PPM1A: variants seen among roughly 807,000 people sequenced by gnomAD.
PPM1A encodes protein phosphatase 1A.
In PPM1A, 7 loss-of-function variants were observed where a neutral mutation model predicts 35.0. That is an observed-to-expected ratio of 0.20 (90% CI 0.11 to 0.38). The LOEUF is 0.38. PPM1A is among the 10% of genes least tolerant of loss of function. The pLI is 1.00. For synonymous variants in PPM1A, 153 were observed against 167.3 expected (o/e 0.91, Z 0.66); for missense variants, 239 against 467.8 (o/e 0.51, Z 4.51).
chr14:60,294,470 A>C lies in PPM1A; in HGVS notation c.*1988A>C, dbSNP rs1296539939. Reference sequence around the variant, plus strand: ...TAAGTTATGGCTTTGCAAGCATCTAAATGTGCATTTAATGAATACCAGTGC... The same window carrying C: ...TAAGTTATGGCTTTGCAAGCATCTACATGTGCATTTAATGAATACCAGTGC... On this transcript the variant is annotated 3_prime_UTR_variant, in exon 6 of 6. Coordinates refer to ENST00000395076, the MANE Select transcript of PPM1A (RefSeq NM_021003.5). 1 of 151,932 alleles carries C rather than the reference A, an allele frequency of 6.6e-6. No individual in the cohort carries two copies. The highest frequency in any genetic ancestry group is 1.5e-5 in the Non-Finnish European group (1 of 67,864). 9.4% of individuals were successfully genotyped at this position (151,932 alleles called of 1,614,324 possible).
chr14:60,270,936 G>T (rs1234398600), intron 1 of PPM1A, among the ~76,000 whole-genome samples: 1 of 152,166 alleles, frequency 6.6e-6, no homozygotes, highest in African/African-American at 2.4e-5. Context: ...AATTTCCATG[G>T]CTGCTATAAC....
intron 1 of PPM1A, among the ~76,000 whole-genome samples, chr14:60,268,056 C>G (rs1341213225): frequency 6.6e-6 from 1 of 151,952 alleles, no homozygotes; most frequent in Non-Finnish European, 1.5e-5. Flanking sequence ...ATATACAATC[C>G]ATAGTCAGAT....
At chr14:60,263,223 A>G (rs1211545458) in intron 1 of PPM1A, among the ~76,000 whole-genome samples, 1 of 152,184 alleles carries the variant, frequency 6.6e-6, no homozygotes, top group East Asian at 1.9e-4. Context: ...TCTCAAAAAA[A>G]AAAGTTCCTG....
chr14:60,280,211 G>C (rs1228680376), intron 1 of PPM1A, among the ~76,000 whole-genome samples: 1 of 152,036 alleles, frequency 6.6e-6, no homozygotes, highest in Non-Finnish European at 1.5e-5. Context: ...TCACCATATT[G>C]GCCAGGCTGG....
At chr14:60,247,627 C>CAAAAA (rs58749853), upstream of PPM1A, among the ~76,000 whole-genome samples, 50 of 50,168 alleles carry the variant, frequency 1.0e-3, 1 homozygote, top group African/African-American at 3.2e-3. Context: ...GACTCTGTCT[C>CAAAAA]AAAAAAAAAA....
chr14:60,275,116 T>C (rs1454852490), intron 1 of PPM1A, among the ~76,000 whole-genome samples: 1 of 151,386 alleles, frequency 6.6e-6, no homozygotes, highest in Non-Finnish European at 1.5e-5. Flanking sequence ...TTTAGAGATT[T>C]AGAAAAGAAA....
rs2139297478 is a variant in PPM1A, at chr14:60,249,441, C to T, written c.-257C>T. On this transcript the variant is annotated 5_prime_UTR_variant, in exon 1 of 6. Coordinates refer to ENST00000395076, the MANE Select transcript of PPM1A (RefSeq NM_021003.5). The surrounding 1 kb of genome is among the most constrained non-coding windows in gnomAD (Gnocchi z 4.5). Reference sequence around the variant, plus strand: ...TCCTCCTCCTTCTCCGGGACCCGCTCTCTGCCTCCCTCTCCAACGCCCGGA... The same window carrying T: ...TCCTCCTCCTTCTCCGGGACCCGCTTTCTGCCTCCCTCTCCAACGCCCGGA... 1.0e-6 allele frequency: 1 copy of T among 985,058 alleles called. No homozygotes were observed. The highest frequency in any genetic ancestry group is 4.7e-5 in the South Asian group (1 of 21,334). 61.0% of individuals were successfully genotyped at this position (985,058 alleles called of 1,614,324 possible). A position where few individuals can be genotyped will look rare whatever the true frequency, so the allele number is the denominator to read the frequency against.
intron 3 of PPM1A, chr14:60,286,116 A>C: frequency 1.0e-6 from 1 of 988,382 alleles, no homozygotes; most frequent in Non-Finnish European, 1.2e-6. Flanking sequence ...TTTGAATACC[A>C]TCTTTCTATG....
At chr14:60,257,906 G>A (rs940063712) in intron 1 of PPM1A, among the ~76,000 whole-genome samples, 2 of 152,152 alleles carry the variant, frequency 1.3e-5, no homozygotes, top group African/African-American at 4.8e-5. Context: ...ACCTCAGAAT[G>A]TTAAGTAGAT....
chr14:60,266,594 C>T (rs781242845), intron 1 of PPM1A, among the ~76,000 whole-genome samples: 23 of 152,140 alleles, frequency 1.5e-4, no homozygotes, highest in Non-Finnish European at 3.1e-4. Flanking sequence ...TGGAAAAGAT[C>T]AGCTTTCAGG....
Position 60,249,997 on chromosome 14 carries a change from A to T in PPM1A, c.-21+320A>T, listed in dbSNP as rs1177938235. Among the ~76,000 whole-genome samples, 1 of 151,124 alleles carries T rather than the reference A, an allele frequency of 6.6e-6. No homozygotes were observed. Among genetic ancestry groups the T allele is most frequent in the Non-Finnish European group, 1.5e-5 (1 of 67,706 alleles). On this transcript the variant is annotated intron_variant, in intron 1 of 5. Coordinates refer to ENST00000395076, the MANE Select transcript of PPM1A (RefSeq NM_021003.5). This position sits in a 1 kb window ranked among gnomAD's most constrained non-coding sequence, Gnocchi z 4.5. ...TGGCGGCGAAGCAGGCGACGGCCGC[A>T]GGCCGGCCTGGCCGGAGAGCGGCCT...
Position 60,298,543 on chromosome 14 carries a change from C to T in PPM1A, c.*6061C>T, listed in dbSNP as rs1239180710. On this transcript the variant is annotated 3_prime_UTR_variant, in exon 6 of 6. Coordinates refer to ENST00000395076, the MANE Select transcript of PPM1A (RefSeq NM_021003.5). ...GCTTATTTAATTCCCATTTGTGGGA[C>T]TTCTGGAACATAGAAACCATTATCT... is the stretch of plus-strand genomic sequence containing the variant. The T allele has an allele frequency of 6.6e-6, 1 of 151,670 alleles. No individual in the cohort carries two copies. Among genetic ancestry groups the T allele is most frequent in the East Asian group, 1.9e-4 (1 of 5,194 alleles). The allele number at this position is 151,670 out of a possible 1,614,324, so 9.4% of individuals were successfully genotyped here.
intron 1 of PPM1A, chr14:60,250,341 TTAG>T: frequency 2.7e-6 from 2 of 740,510 alleles, no homozygotes; most frequent in Non-Finnish European, 3.3e-6. Context: ...CTTCTTGATG[TTAG>T]AGCTTGGTTG....
rs1015595848 is a variant in PPM1A, at chr14:60,289,733, G to T, written c.953-73G>T. ...GTAAATGCCATCTTTAAAAAGCTAG[G>T]TTATCTTTGTTTCGGTTTTCTTTTC... is the stretch of plus-strand genomic sequence containing the variant. On this transcript the variant is annotated intron_variant, in intron 3 of 5. Transcript: ENST00000395076. The surrounding 1 kb of genome is among the most constrained non-coding windows in gnomAD (Gnocchi z 4.1). The T allele has an allele frequency of 1.0e-6, 1 of 959,188 alleles. No individual in the cohort carries two copies. Among genetic ancestry groups the T allele is most frequent in the South Asian group, 1.4e-5 (1 of 70,320 alleles). 59.4% of individuals were successfully genotyped at this position (959,188 alleles called of 1,614,324 possible). A position where few individuals can be genotyped will look rare whatever the true frequency, so the allele number is the denominator to read the frequency against.
At chr14:60,255,033 T>A (rs1472259458) in intron 1 of PPM1A, among the ~76,000 whole-genome samples, 2 of 152,178 alleles carry the variant, frequency 1.3e-5, no homozygotes, top group Non-Finnish European at 2.9e-5. Flanking sequence ...CCAGCTTTGG[T>A]TTTCTCTTTT....
At chr14:60,287,272 T>G in intron 3 of PPM1A, 1 of 976,580 alleles carries the variant, frequency 1.0e-6, no homozygotes. Flanking sequence ...TATTTCTTAT[T>G]ATCAAGCAAG....
At chr14:60,248,605 G>A (rs1050676958), upstream of PPM1A, 2 of 152,432 alleles carry the variant, frequency 1.3e-5, no homozygotes, top group East Asian at 1.9e-4. Context: ...GTGGGACTCT[G>A]GGGTAGGGGG....
rs143832257 is a variant in PPM1A, at chr14:60,261,241, A to G, written c.-21+11564A>G. On this transcript the variant is annotated intron_variant, in intron 1 of 5. Coordinates refer to ENST00000395076, the MANE Select transcript of PPM1A (RefSeq NM_021003.5). ...GGCAAAGTGATAAGAGCAGGATTAGAAAGAGACATTAAAAATTCAAGGATA... is the reference window on the plus strand; with the variant it reads ...GGCAAAGTGATAAGAGCAGGATTAGGAAGAGACATTAAAAATTCAAGGATA... Among the ~76,000 whole-genome samples the G allele has an allele frequency of 3.2e-3, 482 of 152,310 alleles. 4 individuals are homozygous for G. The highest frequency in any genetic ancestry group is 0.017 in the Middle Eastern group (5 of 294).
Position 60,266,575 on chromosome 14 carries a change from G to A in PPM1A, c.-20-16109G>A, listed in dbSNP as rs543877889. 1.3e-4 allele frequency among the ~76,000 whole-genome samples: 20 copies of A among 152,272 alleles called. No individual in the cohort carries two copies. In the South Asian group the frequency reaches 4.1e-3, roughly 32 times the overall value. ...AGGGATTCAGCTACCCACCACTGGA[G>A]GGCAGGAGTGGAAAAGATCAGCTTT... On this transcript the variant is annotated intron_variant, in intron 1 of 5. Transcript: ENST00000395076.
Sources: allele counts gnomAD v4.1 joint callset (sites outside exome capture counted in the v4.1 genomes callset), GRCh38; gene constraint gnomAD v4.1.1; non-coding constraint Gnocchi (gnomAD v3.1); transcripts MANE v1.5; gene names NCBI Gene and HGNC (gene_info 2026-07-23, HGNC 2026-07-21).